Variants in GALNT1 observed in about 807,000 individuals in gnomAD.
GALNT1 encodes the protein polypeptide N-acetylgalactosaminyltransferase 1.
A neutral mutation model predicts 65.7 loss-of-function variants in GALNT1; 17 were observed. The observed-to-expected ratio is 0.26, with a 90% CI of 0.18 to 0.39. GALNT1 has a LOEUF of 0.39. GALNT1 is among the 10% of genes least tolerant of loss of function. The pLI is 1.00. For missense variants in GALNT1, 460 were observed against 672.8 expected, an observed-to-expected ratio of 0.68 and a Z score of 3.50; for synonymous variants, 210 against 219.7, an observed-to-expected ratio of 0.96 and a Z score of 0.39.
At chr18:35,581,582 A>AGCGGCGGCGGC (rs1555644073), upstream of GALNT1, among the ~76,000 whole-genome samples, 64 of 137,426 alleles carry the variant, frequency 4.7e-4, 1 homozygote, top group East Asian at 3.0e-3. Flanking sequence ...GTGAGCGGGC[A>AGCGGCGGCGGC]GGCGGCGCGC....
At chr18:35,629,115 A>G (rs547503627) in intron 1 of GALNT1, among the ~76,000 whole-genome samples, 1 of 152,338 alleles carries the variant, frequency 6.6e-6, no homozygotes, top group South Asian at 2.1e-4. Flanking sequence ...AGTGATGGGG[A>G]GAATGGAACC....
intron 3 of GALNT1, among the ~76,000 whole-genome samples, chr18:35,666,987 C>G (rs1268971851): frequency 6.6e-6 from 1 of 151,908 alleles, no homozygotes; most frequent in Admixed American, 6.6e-5. Flanking sequence ...TGGAAAATTT[C>G]AAATGTATAC....
At chr18:35,589,970 C>T (rs1261251455) in intron 1 of GALNT1, among the ~76,000 whole-genome samples, 1 of 152,224 alleles carries the variant, frequency 6.6e-6, no homozygotes, top group East Asian at 1.9e-4. Flanking sequence ...CCTTACTCCT[C>T]ATGGACTAGG....
At position 35,682,261 on chromosome 18, in the gene GALNT1, TCCC is replaced by T. The variant is rs1417594481; in HGVS notation, c.482-1129_482-1127del. Among the ~76,000 whole-genome samples the T allele has an allele frequency of 2.8e-3, 434 of 152,312 alleles. 1 individual carries two copies. Among genetic ancestry groups the T allele is most frequent in the African/African-American group, 9.7e-3 (402 of 41,590 alleles). ...CCTTTCTCTTTTACAGCTTTTTATATCCCTGATTATTTCATTATTGAGTCATTT... is the reference window on the plus strand; with the variant it reads ...CCTTTCTCTTTTACAGCTTTTTATATTGATTATTTCATTATTGAGTCATTT... On this transcript the variant is annotated intron_variant, in intron 4 of 11. Transcript: ENST00000269195.
chr18:35,669,510 C>A (rs2047599537), intron 3 of GALNT1, among the ~76,000 whole-genome samples: 1 of 152,112 alleles, frequency 6.6e-6, no homozygotes, highest in Non-Finnish European at 1.5e-5. Flanking sequence ...TTATTCCAGA[C>A]ATGTGAAGTT....
intron 2 of GALNT1, among the ~76,000 whole-genome samples, chr18:35,662,886 C>T (rs1202817287): frequency 6.6e-6 from 1 of 152,086 alleles, no homozygotes; most frequent in Non-Finnish European, 1.5e-5. Context: ...CTTTTTATGT[C>T]TGTATCAAGA....
At position 35,691,270 on chromosome 18, in the gene GALNT1, G is replaced by A. The variant is rs1026596860; in HGVS notation, c.1159+78G>A. ...TCCTGGAGGAGAAGTAAGAAGGTTA[G>A]AAGTGAAGCTTTGAGCAGAGGTGAA... On this transcript the variant is annotated intron_variant, in intron 8 of 11. Coordinates refer to ENST00000269195, the MANE Select transcript of GALNT1 (RefSeq NM_020474.4). 3.3e-5 allele frequency: 44 copies of A among 1,325,270 alleles called. No homozygotes were observed. In the African/African-American group the frequency reaches 6.4e-4, roughly 19 times the overall value. The allele number at this position is 1,325,270 out of a possible 1,614,324, so 82.1% of individuals were successfully genotyped here.
chr18:35,698,515 G>A (rs2048099742), intron 9 of GALNT1, among the ~76,000 whole-genome samples: 1 of 152,096 alleles, frequency 6.6e-6, no homozygotes. Context: ...GTAATTAAAA[G>A]TAAATAGAAT....
intron 1 of GALNT1, among the ~76,000 whole-genome samples, chr18:35,632,819 T>C (rs1444059307): frequency 6.6e-6 from 1 of 151,948 alleles, no homozygotes; most frequent in Non-Finnish European, 1.5e-5. Context: ...AGGGCTAATA[T>C]CCAGAATCTA....
Position 35,663,648 on chromosome 18 carries a change from C to T in GALNT1, c.160C>T (p.Pro54Ser), listed in dbSNP as rs2047506947. The change falls in exon 3 of 12, where the codon CCT becomes TCT. Residue 54 changes from proline to serine, a missense_variant. Transcript: ENST00000269195. ...AGDVLEPVQK[P>S]HEGPGEMGKP... ...CTTAGTTCTAGAGCCAGTACAAAAG[C>T]CTCATGAAGGTCCTGGAGAAATGGG... 6.2e-7 allele frequency: 1 copy of T among 1,613,062 alleles called. No homozygotes were observed. Among genetic ancestry groups the T allele is most frequent in the East Asian group, 2.2e-5 (1 of 44,848 alleles).
intron 3 of GALNT1, among the ~76,000 whole-genome samples, chr18:35,666,898 T>C (rs941873602): frequency 6.6e-6 from 1 of 152,076 alleles, no homozygotes; most frequent in Admixed American, 6.6e-5. Flanking sequence ...TACCACTGAG[T>C]AGCCTTTTTA....
At chr18:35,607,481 G>A (rs758446918) in intron 1 of GALNT1, among the ~76,000 whole-genome samples, 10 of 152,074 alleles carry the variant, frequency 6.6e-5, no homozygotes, top group Non-Finnish European at 1.3e-4. Context: ...CATAGGATTG[G>A]GTGTTGGTAC....
intron 3 of GALNT1, chr18:35,664,051 C>CT (rs1405722497): frequency 4.7e-6 from 2 of 424,502 alleles, no homozygotes; most frequent in Non-Finnish European, 8.4e-6. Flanking sequence ...GGATTTTAAA[C>CT]TTTATTATTA....
intron 9 of GALNT1, among the ~76,000 whole-genome samples, chr18:35,700,148 T>C (rs953548016): frequency 1.3e-5 from 2 of 152,188 alleles, no homozygotes; most frequent in East Asian, 1.9e-4. Flanking sequence ...GTAGTCCACA[T>C]GTATCACTAC....
intron 1 of GALNT1, among the ~76,000 whole-genome samples, chr18:35,654,042 C>G (rs893366080): frequency 6.6e-6 from 1 of 152,200 alleles, no homozygotes; most frequent in Non-Finnish European, 1.5e-5. Context: ...ATTCTTGAGC[C>G]TGGGTACTGA....
At chr18:35,675,593 T>G (rs1379131141) in intron 3 of GALNT1, among the ~76,000 whole-genome samples, 3 of 152,230 alleles carry the variant, frequency 2.0e-5, no homozygotes, top group Non-Finnish European at 4.4e-5. Flanking sequence ...ACCTGCTGTC[T>G]CCACATTTTT....
intron 1 of GALNT1, among the ~76,000 whole-genome samples, chr18:35,622,930 G>C (rs1392118173): frequency 2.0e-5 from 3 of 151,916 alleles, no homozygotes; most frequent in Admixed American, 2.0e-4. Context: ...GTGTCTTAAA[G>C]GAGTGCTGAG....
At chr18:35,615,132 A>G (rs1243175956) in intron 1 of GALNT1, among the ~76,000 whole-genome samples, 1 of 152,180 alleles carries the variant, frequency 6.6e-6, no homozygotes, top group East Asian at 1.9e-4. Flanking sequence ...TTATTTGGAA[A>G]TACAAAGGGT....
chr18:35,598,216 G>A (rs890043281), intron 1 of GALNT1, among the ~76,000 whole-genome samples: 15 of 151,710 alleles, frequency 9.9e-5, no homozygotes, highest in Non-Finnish European at 2.1e-4. Flanking sequence ...TGTATTTTTA[G>A]TAGAGATGAA....
Sources: gnomAD v4.1 joint callset for allele counts (sites outside exome capture counted in the v4.1 genomes callset) on GRCh38, gnomAD v4.1.1 for gene constraint, MANE v1.5 for transcripts, NCBI Gene and HGNC (gene_info 2026-07-23, HGNC 2026-07-21) for gene names.